Variants in SYT16 observed in about 807,000 individuals in gnomAD.
SYT16 encodes synaptotagmin-16.
In SYT16, 42 loss-of-function variants were observed where a neutral mutation model predicts 61.4. The ratio of observed to expected loss-of-function variants is 0.68; its 90% CI spans 0.53 to 0.89. The LOEUF is 0.89. Among genes scored for constraint, SYT16 ranks in the 40% least tolerant of loss-of-function variants. The probability of loss-of-function intolerance (pLI) is 0.00; values close to 1 mark genes in which losing one functional copy is unlikely to be tolerated. For missense variants in SYT16, 804 were observed against 807.3 expected (o/e 1.00, Z 0.05); for synonymous variants, 314 against 302.3 (o/e 1.04, Z -0.40).
chr14:61,937,775 G>A (rs2050040361), intron 1 of SYT16, among the ~76,000 whole-genome samples: 1 of 152,156 alleles, frequency 6.6e-6, no homozygotes, highest in Non-Finnish European at 1.5e-5. Context: ...AGAGGAAAGA[G>A]GAAGGATGGA....
chr14:61,945,058 T>A lies in SYT16; in HGVS notation c.-324-25074T>A, dbSNP rs143387765. Among the ~76,000 whole-genome samples, 1,421 of 152,030 alleles carry A rather than the reference T, an allele frequency of 9.3e-3. 20 individuals carry two copies. The highest frequency in any genetic ancestry group is 0.032 in the African/African-American group (1,338 of 41,450). On this transcript the variant is annotated intron_variant, in intron 1 of 7. Transcript: ENST00000683842. The stretch of plus-strand genomic sequence containing the variant: ...ATTTACAAGAAAAAAAACAACCCCA[T>A]CAAAAAGTAAGCAAAGGATATGAAC...
At chr14:62,014,190 C>T (rs8012138) in intron 3 of SYT16, among the ~76,000 whole-genome samples, 80,228 of 151,436 alleles carry the variant, frequency 0.53, 21,694 homozygotes, top group East Asian at 0.7. Flanking sequence ...CGTGGGTTCA[C>T]AGATCCAACT....
intron 2 of SYT16, among the ~76,000 whole-genome samples, chr14:61,990,010 G>A (rs1050141140): frequency 6.6e-5 from 10 of 152,212 alleles, no homozygotes; most frequent in South Asian, 2.1e-4. Flanking sequence ...AGATGCCAAC[G>A]TTTAGAACAC....
chr14:62,039,098 A>G (rs2054615255), intron 3 of SYT16, among the ~76,000 whole-genome samples: 1 of 152,198 alleles, frequency 6.6e-6, no homozygotes, highest in Non-Finnish European at 1.5e-5. Context: ...TTAAAATTCT[A>G]AATCCTTTAT....
intron 1 of SYT16, among the ~76,000 whole-genome samples, chr14:61,853,866 T>C (rs1357009867): frequency 6.6e-6 from 1 of 152,180 alleles, no homozygotes; most frequent in Non-Finnish European, 1.5e-5. Flanking sequence ...TTTGGAATTA[T>C]TAGGATTTCT....
At chr14:61,874,958 T>C (rs1193392772) in intron 1 of SYT16, among the ~76,000 whole-genome samples, 1 of 152,166 alleles carries the variant, frequency 6.6e-6, no homozygotes. Context: ...ATTTTTTCTC[T>C]TTGGGGAGAG....
At chr14:61,923,973 T>G (rs2049437463) in intron 1 of SYT16, among the ~76,000 whole-genome samples, 1 of 152,142 alleles carries the variant, frequency 6.6e-6, no homozygotes, top group Non-Finnish European at 1.5e-5. Context: ...TAGTTTCCCT[T>G]AAAAGGTAAA....
chr14:61,827,624 C>G (rs1228617440), intron 1 of SYT16, among the ~76,000 whole-genome samples: 6 of 152,068 alleles, frequency 3.9e-5, no homozygotes. Flanking sequence ...GGGACAAGAC[C>G]TATTGGTCAT....
At chr14:61,928,730 C>T (rs73260217) in intron 1 of SYT16, among the ~76,000 whole-genome samples, 5,279 of 152,254 alleles carry the variant, frequency 0.035, 354 homozygotes, top group African/African-American at 0.12. Context: ...CATAAGCACA[C>T]CGGAGGTGTC....
At chr14:61,997,823 A>G (rs1232427958) in intron 3 of SYT16, among the ~76,000 whole-genome samples, 1 of 152,068 alleles carries the variant, frequency 6.6e-6, no homozygotes, top group Admixed American at 6.6e-5. Context: ...TTGGCATACC[A>G]CTAATTTTGC....
intron 3 of SYT16, among the ~76,000 whole-genome samples, chr14:62,027,314 T>C (rs545426281): frequency 6.6e-6 from 1 of 152,242 alleles, no homozygotes; most frequent in South Asian, 2.1e-4. Context: ...TCCAATGATA[T>C]CGATGTAGGA....
At chr14:62,033,570 C>T (rs2054388291) in intron 3 of SYT16, among the ~76,000 whole-genome samples, 1 of 151,976 alleles carries the variant, frequency 6.6e-6, no homozygotes, top group East Asian at 1.9e-4. Flanking sequence ...TATATGAGAG[C>T]ATGAGTGAGG....
In SYT16 at chr14:62,109,735, T is replaced by C. The variant is rs570363035; in HGVS notation, c.*9028T>C. 2.3e-4 allele frequency: 35 copies of C among 152,158 alleles called. No individual in the cohort carries two copies. The highest frequency in any genetic ancestry group is 3.8e-4 in the Non-Finnish European group (26 of 68,008). The allele number at this position is 152,158 out of a possible 1,614,324, so 9.4% of individuals were successfully genotyped here. On this transcript the variant is annotated 3_prime_UTR_variant, in exon 8 of 8. Coordinates refer to ENST00000683842, the MANE Select transcript of SYT16 (RefSeq NM_001367656.1). The stretch of plus-strand genomic sequence containing the variant: ...GTCTTTTGTTGAGCAATGAGTTAAA[T>C]ACCTGTCGATAAAAAGTGTTAATTA...
At chr14:61,968,489 T>A (rs2051410532) in intron 1 of SYT16, among the ~76,000 whole-genome samples, 1 of 151,184 alleles carries the variant, frequency 6.6e-6, no homozygotes, top group Admixed American at 6.6e-5. Context: ...AAGAGGAGGA[T>A]GGGATCCAGA....
rs922248753 is a variant in SYT16 at position 62,075,043 on chromosome 14, C to T, written c.737-92C>T. On this transcript the variant is annotated intron_variant, in intron 4 of 7. Coordinates refer to ENST00000683842, the MANE Select transcript of SYT16 (RefSeq NM_001367656.1). Reference sequence around the variant, plus strand: ...TTGGTATGGGTTCTGTTTCTGCAATCTTGATTGTTGTGACTGCAATTACTC... The same window carrying T: ...TTGGTATGGGTTCTGTTTCTGCAATTTTGATTGTTGTGACTGCAATTACTC... 28 of 1,397,850 alleles carry T rather than the reference C, an allele frequency of 2.0e-5. No homozygotes were observed. In the Admixed American group the frequency reaches 6.3e-4, roughly 32 times the overall value. The allele number at this position is 1,397,850 out of a possible 1,614,324, so 86.6% of individuals were successfully genotyped here. A position where few individuals can be genotyped will look rare whatever the true frequency, so the allele number is the denominator to read the frequency against.
At chr14:62,089,200 T>A (rs1381107033) in intron 7 of SYT16, among the ~76,000 whole-genome samples, 1 of 151,930 alleles carries the variant, frequency 6.6e-6, no homozygotes, top group Non-Finnish European at 1.5e-5. Flanking sequence ...GTGCCTGTAA[T>A]CCCAGCTACT....
chr14:61,886,962 C>T (rs1168120441), intron 1 of SYT16, among the ~76,000 whole-genome samples: 1 of 137,228 alleles, frequency 7.3e-6, no homozygotes, highest in African/African-American at 2.7e-5. Flanking sequence ...AGGTCTCGAA[C>T]TCCTGGGCTC....
chr14:62,030,912 G>A (rs1050038792), intron 3 of SYT16, among the ~76,000 whole-genome samples: 1 of 152,184 alleles, frequency 6.6e-6, no homozygotes, highest in African/African-American at 2.4e-5. Flanking sequence ...GTTGAATAAT[G>A]TGCTCCCAGA....
intron 1 of SYT16, among the ~76,000 whole-genome samples, chr14:61,963,583 G>A (rs1218911708): frequency 2.6e-5 from 4 of 152,190 alleles, no homozygotes; most frequent in Admixed American, 2.6e-4. Flanking sequence ...GGTTCCTGAG[G>A]TTCAAGGAAA....
Sources: gnomAD v4.1 joint callset for allele counts (sites outside exome capture counted in the v4.1 genomes callset) on GRCh38, gnomAD v4.1.1 for gene constraint, MANE v1.5 for transcripts, NCBI Gene and HGNC (gene_info 2026-07-23, HGNC 2026-07-21) for gene names.